The following PTP4A2 variants were observed in gnomAD, a reference collection of about 807,000 sequenced individuals.
PTP4A2 encodes the protein protein tyrosine phosphatase 4A2.
In PTP4A2, 2 loss-of-function variants were observed where a neutral mutation model predicts 22.9. The observed-to-expected ratio is 0.09, with a 90% confidence interval of 0.04 to 0.27. PTP4A2 has a LOEUF of 0.27. Ranked by LOEUF, PTP4A2 falls within the 10% of genes least tolerant of loss-of-function variation. The probability of loss-of-function intolerance (pLI) is 1.00; values close to 1 mark genes in which losing one functional copy is unlikely to be tolerated. For synonymous variants in PTP4A2, 68 were observed against 69.1 expected (o/e 0.98, Z 0.08); for missense variants, 103 against 205.1 (o/e 0.50, Z 3.04).
chr1:31,922,642 T>TCTTTC (rs1652238202), intron 1 of PTP4A2, among the ~76,000 whole-genome samples: 2 of 147,278 alleles, frequency 1.4e-5, no homozygotes, highest in Admixed American at 7.1e-5. Flanking sequence ...TTCTTTTATT[T>TCTTTC]ATTTTGAGAC....
At position 31,911,855 on chromosome 1, in the gene PTP4A2, T is replaced by C. The variant is rs1557861023; in HGVS notation, c.190-29A>G. The C allele has an allele frequency of 2.6e-6, 4 of 1,529,546 alleles. 1 individual carries two copies. In the South Asian group the frequency reaches 3.8e-5, roughly 15 times the overall value. The allele number at this position is 1,529,546 out of a possible 1,614,324, so 94.7% of individuals were successfully genotyped here. A position where few individuals can be genotyped will look rare whatever the true frequency, so the allele number is the denominator to read the frequency against. On this transcript the variant is annotated intron_variant, in intron 3 of 5. Coordinates refer to ENST00000647444, the MANE Select transcript of PTP4A2 (RefSeq NM_080391.4). ...AAAAGAAATGACCTTTTACATTAAA[T>C]TGATATTTTCTCCATGATTAACATC... is the stretch of plus-strand genomic sequence containing the variant.
chr1:31,916,562 T>G (rs1651859503), intron 2 of PTP4A2, among the ~76,000 whole-genome samples: 1 of 152,094 alleles, frequency 6.6e-6, no homozygotes, highest in African/African-American at 2.4e-5. Flanking sequence ...CACTGCAACC[T>G]AAAAATTCTA....
chr1:31,909,001 G>C, intron 5 of PTP4A2, 41 bp from the exon 6 acceptor site: 1 of 1,419,364 alleles, frequency 7.0e-7, no homozygotes, highest in African/African-American at 1.4e-5. Context: ...TGTAAAAAAA[G>C]AGCTGTCTGA....
chr1:31,913,727 T>A, intron 3 of PTP4A2: 1 of 446,064 alleles, frequency 2.2e-6, no homozygotes, highest in Non-Finnish European at 4.5e-6. Flanking sequence ...AGGCCTACCA[T>A]TATCTTCCTC....
Position 31,919,146 on chromosome 1 carries a change from T to C in PTP4A2, c.-81A>G. On this transcript the variant is annotated 5_prime_UTR_variant, in exon 2 of 6. Coordinates refer to ENST00000647444, the MANE Select transcript of PTP4A2 (RefSeq NM_080391.4). ...AAAAAATCAATAAATCTTGAAATGT[T>C]TCACAGCAGAAAACATTAAAAAGAC... 1.4e-6 allele frequency: 1 copy of C among 716,612 alleles called. No individual in the cohort carries two copies. Among genetic ancestry groups the C allele is most frequent in the Non-Finnish European group, 2.4e-6 (1 of 413,172 alleles). 44.4% of individuals were successfully genotyped at this position (716,612 alleles called of 1,614,324 possible).
intron 2 of PTP4A2, among the ~76,000 whole-genome samples, chr1:31,917,538 C>T (rs987210244): frequency 6.6e-6 from 1 of 152,072 alleles, no homozygotes; most frequent in South Asian, 2.1e-4. Flanking sequence ...TATTTGTGAC[C>T]TTAAGCAAGT....
chr1:31,913,629 T>A (rs1651662137), intron 3 of PTP4A2, among the ~76,000 whole-genome samples: 1 of 152,146 alleles, frequency 6.6e-6, no homozygotes, highest in Admixed American at 6.5e-5. Context: ...TAAGGTGGTA[T>A]CATATTGTGC....
chr1:31,917,939 C>T (rs1017311300), intron 2 of PTP4A2, among the ~76,000 whole-genome samples: 11 of 116,972 alleles, frequency 9.4e-5, no homozygotes, highest in African/African-American at 3.8e-4. Flanking sequence ...TGCCACTGCA[C>T]TCCGTCTCAA....
At chr1:31,928,536 C>A (rs1377009210) in intron 1 of PTP4A2, among the ~76,000 whole-genome samples, 1 of 151,528 alleles carries the variant, frequency 6.6e-6, no homozygotes, top group African/African-American at 2.4e-5. Context: ...CCTGTCTCTA[C>A]CAAAAATACA....
In PTP4A2 at chr1:31,936,316, G is replaced by C. The variant is rs568179109; in HGVS notation, c.-594+1671C>G. ...TAGCCGGGTGTGGTGGCACACACTTGTATTCTCAGCTACTTGGGAGGCTGA... is the reference window on the plus strand; with the variant it reads ...TAGCCGGGTGTGGTGGCACACACTTCTATTCTCAGCTACTTGGGAGGCTGA... On this transcript the variant is annotated intron_variant, in intron 1 of 5. Coordinates refer to ENST00000647444, the MANE Select transcript of PTP4A2 (RefSeq NM_080391.4). Among the ~76,000 whole-genome samples the C allele has an allele frequency of 5.9e-5, 9 of 151,860 alleles. No individual in the cohort carries two copies. The South Asian group carries it at 1.9e-3, about 32-fold the overall frequency.
rs1187909584 is a variant in PTP4A2 at position 31,906,833 on chromosome 1, G to A, written c.*2019C>T. ...AATTCAGAGTATGTCAAAGGAAAAAGGTTTGTTATTGTATTGATCAAAACC... is the reference window on the plus strand; with the variant it reads ...AATTCAGAGTATGTCAAAGGAAAAAAGTTTGTTATTGTATTGATCAAAACC... On this transcript the variant is annotated 3_prime_UTR_variant, in exon 6 of 6. Transcript: ENST00000647444. 2 of 151,350 alleles carry A rather than the reference G, an allele frequency of 1.3e-5. No homozygotes were observed. Among genetic ancestry groups the A allele is most frequent in the Non-Finnish European group, 2.9e-5 (2 of 68,034 alleles). The allele number at this position is 151,350 out of a possible 1,614,324, so 9.4% of individuals were successfully genotyped here.
At chr1:31,937,108 T>C (rs780375098) in intron 1 of PTP4A2, among the ~76,000 whole-genome samples, 4 of 152,130 alleles carry the variant, frequency 2.6e-5, no homozygotes, top group East Asian at 1.9e-4. Flanking sequence ...GTGTAGGATT[T>C]TGGGCAACAG....
intron 2 of PTP4A2, among the ~76,000 whole-genome samples, chr1:31,916,345 CAAAAAA>C (rs1167002913): frequency 2.0e-4 from 7 of 35,462 alleles, no homozygotes; most frequent in Non-Finnish European, 2.6e-4. Context: ...ACTCCGTCTC[CAAAAAA>C]AAAAAAAAAA....
intron 1 of PTP4A2, among the ~76,000 whole-genome samples, chr1:31,929,885 A>G (rs906674958): frequency 2.0e-5 from 3 of 152,240 alleles, no homozygotes; most frequent in Admixed American, 6.5e-5. Context: ...TTTCTGAGCT[A>G]TATCAGGACA....
intron 4 of PTP4A2, 119 bp downstream of exon 4, chr1:31,911,577 T>C (rs1651535743): frequency 1.0e-6 from 1 of 958,658 alleles, no homozygotes; most frequent in Non-Finnish European, 1.4e-6. Flanking sequence ...TCCTTTCCTT[T>C]CAGGTAATTT....
chr1:31,913,123 T>C (rs1197751060), intron 3 of PTP4A2: 5 of 401,976 alleles, frequency 1.2e-5, no homozygotes, highest in East Asian at 7.1e-5. Flanking sequence ...GAACCTCAAA[T>C]TGATACAGCT....
chr1:31,922,355 T>C (rs1284564055), intron 1 of PTP4A2, among the ~76,000 whole-genome samples: 1 of 152,150 alleles, frequency 6.6e-6, no homozygotes, highest in Non-Finnish European at 1.5e-5. Flanking sequence ...TGGTGGCACA[T>C]GCCTGTATTC....
chr1:31,924,574 T>C (rs971236480), intron 1 of PTP4A2, among the ~76,000 whole-genome samples: 1 of 152,192 alleles, frequency 6.6e-6, no homozygotes, highest in African/African-American at 2.4e-5. Context: ...ATGTACACCA[T>C]ACAGGAAAAT....
At chr1:31,930,414 T>C (rs879148599) in intron 1 of PTP4A2, among the ~76,000 whole-genome samples, 1 of 152,228 alleles carries the variant, frequency 6.6e-6, no homozygotes, top group Non-Finnish European at 1.5e-5. Flanking sequence ...TTTCCCCATT[T>C]TGTCAAATGT....
Sources: gnomAD v4.1 joint callset for allele counts (sites outside exome capture counted in the v4.1 genomes callset) on GRCh38, gnomAD v4.1.1 for gene constraint, MANE v1.5 for transcripts, NCBI Gene and HGNC (gene_info 2026-07-23, HGNC 2026-07-21) for gene names.